Variants in CD36 observed in about 807,000 individuals in gnomAD.
The protein encoded by CD36 is platelet glycoprotein 4.
Under a neutral mutation model 55.2 loss-of-function variants are expected in CD36, and 119 were observed. That is an observed-to-expected ratio of 2.15 (90% CI 1.86 to 2.51). The LOEUF (loss-of-function observed/expected upper bound fraction) is 2.51. CD36 is among the 30% of genes most tolerant of loss of function. CD36 has a pLI of 0.00. For synonymous variants in CD36, 186 were observed against 193.6 expected (o/e 0.96, Z 0.33); for missense variants, 819 against 555.5 (o/e 1.47, Z -4.77).
rs1017662668 is a variant in CD36 at position 80,603,964 on chromosome 7, A to G, written c.-184+1585A>G. Among the ~76,000 whole-genome samples, 26 of 152,220 alleles carry G rather than the reference A, an allele frequency of 1.7e-4. No individual in the cohort carries two copies. The East Asian group carries it at 4.6e-3, about 27-fold the overall frequency. ...ATGACTACTTAAGGAATTTAATCTG[A>G]TATTCTTAGTATTTACAAACAAAGC... On this transcript the variant is annotated intron_variant, in intron 1 of 13. Coordinates refer to the CD36 transcript ENST00000309881.
rs964084112 is a variant in CD36 at position 80,628,405 on chromosome 7, T to C, written c.-183-17683T>C. The stretch of plus-strand genomic sequence containing the variant: ...CCTTTCTATAAGTGGAACACTAAAA[T>C]ATTCTAAAGCTATATAAATGAGTAA... On this transcript the variant is annotated intron_variant, in intron 1 of 13. Transcript: ENST00000309881. 4.7e-4 allele frequency among the ~76,000 whole-genome samples: 71 copies of C among 152,048 alleles called. 1 individual carries two copies. The highest frequency in any genetic ancestry group is 4.6e-4 in the Admixed American group (7 of 15,224).
At chr7:80,673,058 T>C (rs910817637) in intron 12 of CD36, 11 of 553,920 alleles carry the variant, frequency 2.0e-5, no homozygotes, top group African/African-American at 1.4e-4. Flanking sequence ...ATAGCATCTC[T>C]TATTTTGTTA....
chr7:80,634,354 T>A (rs555871598), upstream of CD36, among the ~76,000 whole-genome samples: 1 of 152,232 alleles, frequency 6.6e-6, no homozygotes, highest in East Asian at 1.9e-4. Flanking sequence ...TATACTAAAA[T>A]GCTTCTTTTC....
intron 9 of CD36, chr7:80,670,223 G>A: frequency 1.8e-6 from 1 of 569,528 alleles, no homozygotes; most frequent in South Asian, 2.1e-5. Context: ...GAACCATTTT[G>A]CCTTTTAAAA....
chr7:80,661,134 A>AT lies in CD36; in HGVS notation c.354dup (p.Gly119TrpfsTer15), dbSNP rs766267860. 1.7e-5 allele frequency: 27 copies of AT among 1,613,954 alleles called. No individual in the cohort carries two copies. The African/African-American group carries it at 3.5e-4, about 21-fold the overall frequency. ...AACACAGTCTCTTTCCTGCAGCCCAATGGTGCCATCTTCGAACCTTCACTA... is the reference window on the plus strand; with the variant it reads ...AACACAGTCTCTTTCCTGCAGCCCAATTGGTGCCATCTTCGAACCTTCACTA... On this transcript the variant is annotated frameshift_variant, in exon 5 of 15. Transcript: ENST00000447544. LOFTEE classifies it high-confidence loss of function.
Position 80,645,107 on chromosome 7 carries a change from G to A in CD36, c.-183-981G>A, listed in dbSNP as rs1235464844. 3.3e-5 allele frequency among the ~76,000 whole-genome samples: 5 copies of A among 149,556 alleles called. No homozygotes were observed. In the East Asian group the frequency reaches 8.1e-4, roughly 24 times the overall value. On this transcript the variant is annotated intron_variant, in intron 1 of 14. Transcript: ENST00000447544. ...ATGATCTCGGCTCACCGCAACCTCC[G>A]CCTCCTGGGTTCAAGCGATTCTCCT...
At chr7:80,670,281 A>C (rs1406888843) in intron 9 of CD36, 1 of 461,934 alleles carries the variant, frequency 2.2e-6, no homozygotes, top group African/African-American at 2.0e-5. Flanking sequence ...GGCGTGCCCA[A>C]TCTTTCTAAA....
chr7:80,655,976 G>A (rs1796023092), intron 3 of CD36, among the ~76,000 whole-genome samples: 1 of 151,710 alleles, frequency 6.6e-6, no homozygotes, highest in African/African-American at 2.4e-5. Context: ...GATTGAGCAG[G>A]ATTTTGAAGA....
At chr7:80,654,471 C>T (rs933752437) in intron 3 of CD36, among the ~76,000 whole-genome samples, 1 of 152,100 alleles carries the variant, frequency 6.6e-6, no homozygotes, top group East Asian at 1.9e-4. Context: ...TGTGTTCTCC[C>T]TTGTTAAGTC....
intron 1 of CD36, among the ~76,000 whole-genome samples, chr7:80,617,625 A>C (rs1482820968): frequency 6.6e-6 from 1 of 151,622 alleles, no homozygotes; most frequent in African/African-American, 2.4e-5. Context: ...TACTTGGGAG[A>C]CTGAAGCTAG....
rs192835575 is a variant in CD36, at chr7:80,662,527, A to G, written c.430-463A>G. The G allele has an allele frequency of 2.1e-3, 604 of 288,608 alleles. 2 individuals are homozygous for G. The highest frequency in any genetic ancestry group is 3.9e-3 in the Admixed American group (109 of 27,608). The allele number at this position is 288,608 out of a possible 1,614,324, so 17.9% of individuals were successfully genotyped here. A position where few individuals can be genotyped will look rare whatever the true frequency, so the allele number is the denominator to read the frequency against. ...CGTTGTGATGAACACGCCTGCAACA[A>G]TTGTCTGCGCCATTTCTGTCACGTG... On this transcript the variant is annotated intron_variant, in intron 5 of 14. Transcript: ENST00000447544.
At chr7:80,616,156 C>A (rs1016169370) in intron 1 of CD36, among the ~76,000 whole-genome samples, 1 of 152,038 alleles carries the variant, frequency 6.6e-6, no homozygotes, top group Admixed American at 6.6e-5. Context: ...ATGAAAATAT[C>A]ATTGTAAAAA....
chr7:80,673,463 AG>A lies in CD36; in HGVS notation c.1254+55del, dbSNP rs1233181280. The A allele has an allele frequency of 1.0e-5, 10 of 989,602 alleles. No individual in the cohort carries two copies. In the African/African-American group the frequency reaches 1.4e-4, roughly 14 times the overall value. The allele number at this position is 989,602 out of a possible 1,614,324, so 61.3% of individuals were successfully genotyped here. A position where few individuals can be genotyped will look rare whatever the true frequency, so the allele number is the denominator to read the frequency against. Reference sequence around the variant, plus strand: ...AAACAACCTTCTTTGTATATAAACAAGCTCTTGATGTTTCAAAAGAATGTAT... The same window carrying A: ...AAACAACCTTCTTTGTATATAAACAACTCTTGATGTTTCAAAAGAATGTAT... On this transcript the variant is annotated intron_variant, in intron 13 of 14. Coordinates refer to ENST00000447544, the MANE Select transcript of CD36 (RefSeq NM_001001548.3).
intron 1 of CD36, among the ~76,000 whole-genome samples, chr7:80,603,463 G>T (rs187972599): frequency 6.6e-6 from 1 of 152,216 alleles, no homozygotes; most frequent in East Asian, 1.9e-4. Context: ...AATTCAGATG[G>T]GATCTCTATC....
At chr7:80,636,348 ATTAAC>A (rs1366631255), upstream of CD36, among the ~76,000 whole-genome samples, 1 of 152,046 alleles carries the variant, frequency 6.6e-6, no homozygotes, top group East Asian at 1.9e-4. Context: ...ATGAATGTTA[ATTAAC>A]TTGATTATGG....
In CD36 at chr7:80,669,983, A is replaced by G. The variant is rs768653012; in HGVS notation, c.779A>G (p.Lys260Arg). The G allele has an allele frequency of 6.8e-6, 11 of 1,612,668 alleles. No homozygotes were observed. The South Asian group carries it at 9.9e-5, about 14-fold the overall frequency. ...GCCTCATTTCCACCTTTTGTTGAGAAAAGCCAGGTATTGCAGTTCTTTTCT... is the reference window on the plus strand; with the variant it reads ...GCCTCATTTCCACCTTTTGTTGAGAGAAGCCAGGTATTGCAGTTCTTTTCT... ...DAASFPPFVE[K>R]SQVLQFFSSD... is the part of the protein sequence containing the mutation. The change falls in exon 9 of 15, where the codon AAA (lysine) becomes AGA (arginine). Residue 260 changes from lysine (K) to arginine (R), a missense_variant. Coordinates refer to ENST00000447544, the MANE Select transcript of CD36 (RefSeq NM_001001548.3).
chr7:80,673,055 C>A (rs1797872542), intron 12 of CD36: 1 of 553,698 alleles, frequency 1.8e-6, no homozygotes, highest in East Asian at 2.9e-5. Flanking sequence ...TTGATAGCAT[C>A]TCTTATTTTG....
rs751603964 is a variant in CD36, at chr7:80,673,411, T to C, written c.1254+2T>C. The C allele has an allele frequency of 5.8e-6, 9 of 1,557,572 alleles. No individual in the cohort carries two copies. In the African/African-American group the frequency reaches 1.2e-4, roughly 21 times the overall value. ...GTGCCTATTCTTTGGCTTAATGAGG[T>C]TTGTATTTGCAGCTGTTAGTCATTA... On this transcript the variant is annotated splice_donor_variant, in intron 13 of 14. Transcript: ENST00000447544. LOFTEE classifies it high-confidence loss of function.
At chr7:80,637,387 T>C (rs1462241614), upstream of CD36, among the ~76,000 whole-genome samples, 5 of 152,036 alleles carry the variant, frequency 3.3e-5, no homozygotes, top group Non-Finnish European at 5.9e-5. Context: ...CTTTTCTAAC[T>C]GAAAGCATAA....
Sources: allele counts gnomAD v4.1 joint callset (sites outside exome capture counted in the v4.1 genomes callset), GRCh38; gene constraint gnomAD v4.1.1; transcripts MANE v1.5; gene names NCBI Gene and HGNC (gene_info 2026-07-23, HGNC 2026-07-21).